Variants in SPATA6L observed in about 807,000 individuals in gnomAD.
The protein encoded by SPATA6L is spermatogenesis associated 6-like protein.
Under a neutral mutation model 49.2 loss-of-function variants are expected in SPATA6L, and 68 were observed. That is an observed-to-expected ratio of 1.38 (90% CI 1.14 to 1.69). The LOEUF (loss-of-function observed/expected upper bound fraction) is 1.69, where lower values mean the gene tolerates loss of function less well. SPATA6L is among the 40% of genes most tolerant of loss of function. SPATA6L has a pLI of 0.00. For missense variants in SPATA6L, 668 were observed against 464.3 expected, an observed-to-expected ratio of 1.44 and a Z score of -4.03; for synonymous variants, 198 against 165.7, an observed-to-expected ratio of 1.19 and a Z score of -1.50.
At chr9:4,609,848 G>T (rs1052894422) in intron 9 of SPATA6L, among the ~76,000 whole-genome samples, 2 of 151,324 alleles carry the variant, frequency 1.3e-5, no homozygotes, top group African/African-American at 4.9e-5. Flanking sequence ...AAAAGAAGAA[G>T]TCAAATTGTC....
intron 3 of SPATA6L, among the ~76,000 whole-genome samples, chr9:4,644,345 A>T (rs1834800698): frequency 6.6e-6 from 1 of 151,652 alleles, no homozygotes; most frequent in Non-Finnish European, 1.5e-5. Flanking sequence ...CTTGTCTCAA[A>T]AAATATATAT....
intron 13 of SPATA6L, chr9:4,589,062 G>T (rs747268712): frequency 6.6e-6 from 1 of 152,188 alleles, no homozygotes; most frequent in African/African-American, 2.4e-5. Flanking sequence ...GCCCAGCAAG[G>T]GACTATGGAA....
At chr9:4,643,271 G>T (rs576021925) in intron 3 of SPATA6L, among the ~76,000 whole-genome samples, 22 of 152,324 alleles carry the variant, frequency 1.4e-4, no homozygotes, top group African/African-American at 4.6e-4. Flanking sequence ...CTCCCCAAGT[G>T]CTGGGATTAT....
At chr9:4,607,244 C>G (rs1457626889) in intron 9 of SPATA6L, among the ~76,000 whole-genome samples, 1 of 152,048 alleles carries the variant, frequency 6.6e-6, no homozygotes, top group Non-Finnish European at 1.5e-5. Flanking sequence ...AGGAGAACTT[C>G]CCCAATCTAG....
At chr9:4,637,009 G>A (rs1041098287) in intron 3 of SPATA6L, among the ~76,000 whole-genome samples, 4 of 152,060 alleles carry the variant, frequency 2.6e-5, no homozygotes, top group Non-Finnish European at 4.4e-5. Flanking sequence ...ACATCAGACT[G>A]CCTTTCTCCT....
intron 3 of SPATA6L, among the ~76,000 whole-genome samples, chr9:4,643,666 T>TA (rs548846680): frequency 7.2e-4 from 109 of 152,192 alleles, no homozygotes; most frequent in South Asian, 5.8e-3. Flanking sequence ...TATAGACCTA[T>TA]AAAAAACACA....
chr9:4,661,483 G>C (rs1178352094), intron 2 of SPATA6L, among the ~76,000 whole-genome samples: 1 of 151,524 alleles, frequency 6.6e-6, no homozygotes, highest in Non-Finnish European at 1.5e-5. Context: ...CAGGATTTTA[G>C]TTACAGGATT....
rs1333416494 is a variant in SPATA6L, at chr9:4,662,590, C to A, written c.40-554G>T. 2.5e-6 allele frequency: 4 copies of A among 1,592,792 alleles called. No individual in the cohort carries two copies. The highest frequency in any genetic ancestry group is 2.5e-6 in the Non-Finnish European group (3 of 1,177,032). On this transcript the variant is annotated intron_variant, in intron 1 of 11. Coordinates refer to ENST00000682582, the MANE Select transcript of SPATA6L (RefSeq NM_001353486.2). This position sits in a 1 kb window ranked among gnomAD's most constrained non-coding sequence, Gnocchi z 4.9. Reference sequence around the variant, plus strand: ...CCAGTTCACCGCCGCGGCTCCTTCCCCCTGGCCGCGGCGGGCCCCTCGCAG... The same window carrying A: ...CCAGTTCACCGCCGCGGCTCCTTCCACCTGGCCGCGGCGGGCCCCTCGCAG...
intron 9 of SPATA6L, among the ~76,000 whole-genome samples, chr9:4,606,746 T>C (rs1368771203): frequency 2.5e-4 from 37 of 146,628 alleles, no homozygotes; most frequent in Admixed American, 2.5e-3. Flanking sequence ...CCTCTCCTCC[T>C]CCAAAGGAAT....
At chr9:4,652,278 C>T (rs1360056822) in intron 3 of SPATA6L, among the ~76,000 whole-genome samples, 2 of 151,840 alleles carry the variant, frequency 1.3e-5, no homozygotes, top group South Asian at 4.2e-4. Flanking sequence ...AAAAATTAGC[C>T]GGGTGTGGTG....
chr9:4,620,233 T>A (rs1467158656), intron 7 of SPATA6L, among the ~76,000 whole-genome samples: 1 of 151,998 alleles, frequency 6.6e-6, no homozygotes, highest in African/African-American at 2.4e-5. Context: ...CCTTCCCCTG[T>A]GGATTCATAA....
At chr9:4,629,755 A>ATGTGTGTGTGTG (rs370931784) in intron 4 of SPATA6L, among the ~76,000 whole-genome samples, 1 of 125,430 alleles carries the variant, frequency 8.0e-6, no homozygotes, top group South Asian at 2.6e-4. Flanking sequence ...TGTTTTATAT[A>ATGTGTGTGTGTG]TGTGTGTGTG....
chr9:4,624,089 A>G (rs1354405435), intron 6 of SPATA6L, among the ~76,000 whole-genome samples: 2 of 152,234 alleles, frequency 1.3e-5, no homozygotes, highest in Admixed American at 6.5e-5. Context: ...CTAATACACA[A>G]GCATCACCAC....
chr9:4,625,245 T>C, intron 6 of SPATA6L, 82 bp downstream of exon 6: 1 of 1,506,242 alleles, frequency 6.6e-7, no homozygotes, highest in South Asian at 1.4e-5. Flanking sequence ...TCATTTGTTG[T>C]TATAACTCAA....
At chr9:4,644,085 G>GC (rs1834681150) in intron 3 of SPATA6L, among the ~76,000 whole-genome samples, 1 of 148,702 alleles carries the variant, frequency 6.7e-6, no homozygotes, top group Non-Finnish European at 1.5e-5. Context: ...GGTGGCTCAT[G>GC]CCTATAAACC....
intron 5 of SPATA6L, 174 bp from the exon 6 acceptor site, chr9:4,625,740 A>C (rs186574093): frequency 2.7e-4 from 127 of 463,018 alleles, no homozygotes; most frequent in African/African-American, 2.4e-3. Flanking sequence ...TTTCCTGTTC[A>C]GTTTAACATC....
chr9:4,644,218 A>G (rs1410507727), intron 3 of SPATA6L, among the ~76,000 whole-genome samples: 7 of 120,936 alleles, frequency 5.8e-5, no homozygotes, highest in African/African-American at 2.1e-4. Context: ...AAAAAAAAAA[A>G]ATGTAGCTGG....
intron 4 of SPATA6L, among the ~76,000 whole-genome samples, chr9:4,632,168 C>T (rs960202415): frequency 7.3e-5 from 11 of 150,868 alleles, no homozygotes; most frequent in African/African-American, 2.4e-4. Context: ...TACAGGTGTG[C>T]ACCACCATGC....
chr9:4,658,809 T>C (rs1371713622), intron 2 of SPATA6L, among the ~76,000 whole-genome samples: 1 of 152,054 alleles, frequency 6.6e-6, no homozygotes, highest in Non-Finnish European at 1.5e-5. Flanking sequence ...CTGGCCAACA[T>C]GGTGAAACCC....
Sources: allele counts gnomAD v4.1 joint callset (sites outside exome capture counted in the v4.1 genomes callset), GRCh38; gene constraint gnomAD v4.1.1; non-coding constraint Gnocchi (gnomAD v3.1); transcripts MANE v1.5; gene names NCBI Gene and HGNC (gene_info 2026-07-23, HGNC 2026-07-21).